The following PCLO variants were observed in gnomAD, a reference collection of about 807,000 sequenced individuals.
PCLO encodes protein piccolo.
In PCLO, 82 loss-of-function variants were observed where a neutral mutation model predicts 427.5. The ratio of observed to expected loss-of-function variants is 0.19; its 90% confidence interval spans 0.16 to 0.23. The LOEUF is 0.23. Among genes scored for constraint, PCLO ranks in the 10% least tolerant of loss-of-function variants. The pLI is 1.00. For missense variants in PCLO, 6,239 were observed against 6,115.9 expected (o/e 1.02, Z -0.67); for synonymous variants, 2,357 against 2,155.4 (o/e 1.09, Z -2.59).
At chr7:82,801,350 T>TA (rs1187496866) in intron 22 of PCLO, among the ~76,000 whole-genome samples, 168 bp downstream of exon 22, 5 of 151,790 alleles carry the variant, frequency 3.3e-5, no homozygotes, top group Non-Finnish European at 2.9e-5. Context: ...TGGGGAATTG[T>TA]AAAATGAATA....
intron 3 of PCLO, among the ~76,000 whole-genome samples, chr7:83,084,778 C>T (rs1315610647): frequency 2.6e-5 from 4 of 152,100 alleles, no homozygotes; most frequent in African/African-American, 7.2e-5. Flanking sequence ...CAATTTTGCA[C>T]GTATTCGAAC....
At chr7:82,925,507 A>G (rs954343325) in intron 6 of PCLO, among the ~76,000 whole-genome samples, 8 of 152,100 alleles carry the variant, frequency 5.3e-5, no homozygotes, top group African/African-American at 1.9e-4. Context: ...CTGCACTCCA[A>G]CAGCTGTAGC....
In PCLO at chr7:82,855,913, T is replaced by C. The variant is rs562735451; in HGVS notation, c.13655-8666A>G. The stretch of plus-strand genomic sequence containing the variant: ...GCTTGTTTATATTGCCTATGGAAGA[T>C]GTCTGGCATATTTTTTCAATAAAAA... On this transcript the variant is annotated intron_variant, in intron 10 of 24. Transcript: ENST00000333891. Among the ~76,000 whole-genome samples, 9 of 152,132 alleles carry C rather than the reference T, an allele frequency of 5.9e-5. 1 individual carries two copies. Among genetic ancestry groups the C allele is most frequent in the Non-Finnish European group, 1.3e-4 (9 of 68,024 alleles).
intron 16 of PCLO, 79 bp from the exon 17 acceptor site, chr7:82,828,045 A>G: frequency 1.4e-6 from 1 of 735,270 alleles, no homozygotes; most frequent in Non-Finnish European, 2.4e-6. Context: ...AAGGACATGC[A>G]GACTATTCAA....
chr7:82,989,565 G>A (rs1439531007), intron 3 of PCLO, among the ~76,000 whole-genome samples: 2 of 151,890 alleles, frequency 1.3e-5, no homozygotes, highest in African/African-American at 4.8e-5. Context: ...ATTTTTAATT[G>A]AGATATTTAT....
At chr7:82,806,573 G>T (rs866525138) in intron 20 of PCLO, among the ~76,000 whole-genome samples, 2 of 152,142 alleles carry the variant, frequency 1.3e-5, no homozygotes, top group Non-Finnish European at 1.5e-5. Context: ...AAATTTTGAT[G>T]CAAAAAGAAG....
At chr7:83,055,282 A>G (rs1307551165) in intron 3 of PCLO, among the ~76,000 whole-genome samples, 5 of 152,132 alleles carry the variant, frequency 3.3e-5, no homozygotes, top group Non-Finnish European at 7.4e-5. Flanking sequence ...CTAGAGAAGA[A>G]TTTTAGAATG....
intron 10 of PCLO, among the ~76,000 whole-genome samples, chr7:82,873,851 C>T (rs890556901): frequency 3.3e-5 from 5 of 151,964 alleles, no homozygotes; most frequent in African/African-American, 1.2e-4. Flanking sequence ...ACAACCCTGT[C>T]CTCCCATCCC....
chr7:83,067,149 C>T (rs1047825206), intron 3 of PCLO, among the ~76,000 whole-genome samples: 7 of 152,116 alleles, frequency 4.6e-5, no homozygotes, highest in African/African-American at 1.7e-4. Flanking sequence ...TATGTATATG[C>T]AGATATTCCA....
chr7:82,779,989 G>A (rs1790838648), intron 22 of PCLO, among the ~76,000 whole-genome samples: 1 of 151,968 alleles, frequency 6.6e-6, no homozygotes, highest in Non-Finnish European at 1.5e-5. Flanking sequence ...GCTCTCAGTA[G>A]GTGTTAGTTA....
At chr7:83,093,492 A>ATATATATATATATTTTTTTTTTT in intron 3 of PCLO, among the ~76,000 whole-genome samples, 3 of 59,302 alleles carry the variant, frequency 5.1e-5, no homozygotes, top group Non-Finnish European at 9.8e-5. Flanking sequence ...ATATATATAT[A>ATATATATATATATTTTTTTTTTT]TTTTTTTTTT....
At chr7:82,884,096 T>A (rs978128660) in intron 9 of PCLO, among the ~76,000 whole-genome samples, 1 of 152,204 alleles carries the variant, frequency 6.6e-6, no homozygotes, top group African/African-American at 2.4e-5. Flanking sequence ...ATATATCCTT[T>A]ATGTACATGA....
rs1014795253 is a variant in PCLO, at chr7:83,162,423, G to A, written c.170C>T (p.Ala57Val). 8.8e-6 allele frequency: 14 copies of A among 1,597,082 alleles called. No homozygotes were observed. Among genetic ancestry groups the A allele is most frequent in the Non-Finnish European group, 1.2e-5 (14 of 1,171,866 alleles). The change falls in exon 1 of 25, where the codon GCC becomes GTC. Residue 57 changes from alanine to valine, a missense_variant. By Grantham distance (64) the Ala-to-Val change is moderately conservative. This residue lies in a region of PCLO where 4,677 missense variants were observed against 4,468.4 expected (regional missense o/e 1.05). Transcript: ENST00000333891. The part of the protein sequence containing the change: ...QLSEEERRQI[A>V]AVMSRAQGLP... ...CCCCTGCGCCCTTGACATGACAGCG[G>A]CGATCTGTCTCCTCTCCTCTTCGCT...
chr7:83,136,658 A>G (rs1791737673), intron 2 of PCLO, among the ~76,000 whole-genome samples: 1 of 152,136 alleles, frequency 6.6e-6, no homozygotes, highest in Non-Finnish European at 1.5e-5. Context: ...CAGGGAAAAC[A>G]TGGTTTCCTT....
chr7:82,865,681 T>C (rs913425365), intron 10 of PCLO, among the ~76,000 whole-genome samples: 2 of 151,528 alleles, frequency 1.3e-5, no homozygotes, highest in South Asian at 4.2e-4. Context: ...TTTTGGCTTA[T>C]AAATATGAAT....
intron 22 of PCLO, among the ~76,000 whole-genome samples, chr7:82,794,452 T>TTTTTTCTG (rs1791175568): frequency 1.1e-5 from 1 of 88,832 alleles, no homozygotes; most frequent in African/African-American, 6.2e-5. Context: ...GTTCATAAAT[T>TTTTTTCTG]TTTTTTCTTT....
intron 22 of PCLO, among the ~76,000 whole-genome samples, chr7:82,777,623 T>G (rs1790782701): frequency 6.6e-6 from 1 of 152,058 alleles, no homozygotes; most frequent in Non-Finnish European, 1.5e-5. Flanking sequence ...TCTTTGGCAA[T>G]GCTGACAAAA....
chr7:83,107,227 T>C (rs1055023277), intron 3 of PCLO, among the ~76,000 whole-genome samples: 1 of 152,192 alleles, frequency 6.6e-6, no homozygotes, highest in Middle Eastern at 3.2e-3. Flanking sequence ...AAATTTATTA[T>C]AGTCTATTAA....
chr7:83,162,050 G>T (rs1193007538), intron 1 of PCLO, among the ~76,000 whole-genome samples: 1 of 152,212 alleles, frequency 6.6e-6, no homozygotes, highest in African/African-American at 2.4e-5. Context: ...AAACACTGGA[G>T]GGCGTCTCTC....
Sources: gnomAD v4.1 joint callset for allele counts (sites outside exome capture counted in the v4.1 genomes callset) on GRCh38, gnomAD v4.1.1 for gene constraint, gnomAD v4.1.1 regional missense constraint, MANE v1.5 for transcripts, NCBI Gene and HGNC (gene_info 2026-07-23, HGNC 2026-07-21) for gene names.